The following SEC23B variants were observed in gnomAD, a reference collection of about 807,000 sequenced individuals.
SEC23B encodes SEC23 homolog B, COPII component, also known as protein transport protein Sec23B.
A neutral mutation model predicts 104.3 loss-of-function variants in SEC23B; 77 were observed. The ratio of observed to expected loss-of-function variants is 0.74; its 90% CI spans 0.61 to 0.89. The LOEUF (loss-of-function observed/expected upper bound fraction) is 0.89. Among genes scored for constraint, SEC23B ranks in the 40% least tolerant of loss-of-function variants. The pLI is 0.00. For synonymous variants in SEC23B, 338 were observed against 332.5 expected, an observed-to-expected ratio of 1.02 and a Z score of -0.18; for missense variants, 885 against 949.4, an observed-to-expected ratio of 0.93 and a Z score of 0.89.
intron 7 of SEC23B, 80 bp downstream of exon 7, chr20:18,526,012 T>C: frequency 6.8e-7 from 1 of 1,463,522 alleles, no homozygotes; most frequent in Non-Finnish European, 9.6e-7. Context: ...TGTTTGAAAA[T>C]CACTTGTGAT....
chr20:18,532,782 C>G (rs772447737), intron 11 of SEC23B, 38 bp downstream of exon 11: 1 of 1,443,428 alleles, frequency 6.9e-7, no homozygotes, highest in Non-Finnish European at 9.8e-7. Flanking sequence ...CCTCCTGCCC[C>G]GGATTTAACC....
chr20:18,550,536 C>A (rs533175090), intron 16 of SEC23B, among the ~76,000 whole-genome samples: 7 of 152,334 alleles, frequency 4.6e-5, no homozygotes, highest in African/African-American at 1.7e-4. Flanking sequence ...TCTGTCTCAT[C>A]TACAGAGAAT....
At chr20:18,512,710 T>C (rs918214822) in intron 3 of SEC23B, among the ~76,000 whole-genome samples, 2 of 152,198 alleles carry the variant, frequency 1.3e-5, no homozygotes, top group Non-Finnish European at 2.9e-5. Flanking sequence ...ATTTTAAAAG[T>C]ACCAAACTAG....
At chr20:18,558,553 A>T (rs1423037077) in intron 19 of SEC23B, among the ~76,000 whole-genome samples, 1 of 152,076 alleles carries the variant, frequency 6.6e-6, no homozygotes, top group Non-Finnish European at 1.5e-5. Flanking sequence ...TGAATGTTAG[A>T]TCTTTTGCAG....
Position 18,557,485 on chromosome 20 carries a change from C to G in SEC23B, c.2214+2312C>G, listed in dbSNP as rs1459249369. Among the ~76,000 whole-genome samples, 3 of 152,102 alleles carry G rather than the reference C, an allele frequency of 2.0e-5. No individual in the cohort carries two copies. In the East Asian group the frequency reaches 5.8e-4, roughly 29 times the overall value. ...TATATGCATAACTTATCACAGTCTACTGGTGTTCAAGCGAAGTCTAGAGAC... is the reference window on the plus strand; with the variant it reads ...TATATGCATAACTTATCACAGTCTAGTGGTGTTCAAGCGAAGTCTAGAGAC... On this transcript the variant is annotated intron_variant, in intron 19 of 19. Transcript: ENST00000650089.
chr20:18,551,842 C>T (rs2060389513), intron 17 of SEC23B, among the ~76,000 whole-genome samples: 1 of 152,118 alleles, frequency 6.6e-6, no homozygotes, highest in South Asian at 2.1e-4. Context: ...ATATTTTATA[C>T]ATACTGCTGT....
intron 1 of SEC23B, among the ~76,000 whole-genome samples, chr20:18,508,568 T>G (rs1221731667): frequency 6.6e-6 from 1 of 152,140 alleles, no homozygotes; most frequent in African/African-American, 2.4e-5. Flanking sequence ...TTCAGATGAT[T>G]AGTGGACCTT....
In SEC23B at chr20:18,515,866, G is replaced by T. The variant is rs866441769; in HGVS notation, c.366+130G>T. 5 of 703,656 alleles carry T rather than the reference G, an allele frequency of 7.1e-6. No individual in the cohort carries two copies. In the Middle Eastern group the frequency reaches 1.2e-3, roughly 166 times the overall value. The allele number at this position is 703,656 out of a possible 1,614,324, so 43.6% of individuals were successfully genotyped here. A position where few individuals can be genotyped will look rare whatever the true frequency, so the allele number is the denominator to read the frequency against. ...GAGGGCAGCAGGATCCTAACCTTTA[G>T]GTTTGATGTGTGTGCATCTACTGGC... On this transcript the variant is annotated intron_variant, in intron 4 of 19. Coordinates refer to ENST00000650089, the MANE Select transcript of SEC23B (RefSeq NM_006363.6).
chr20:18,559,681 GT>G (rs1468486915), intron 19 of SEC23B, among the ~76,000 whole-genome samples: 1 of 152,068 alleles, frequency 6.6e-6, no homozygotes, highest in Non-Finnish European at 1.5e-5. Flanking sequence ...TTGTTGTTTT[GT>G]TTTGTTTGAG....
intron 14 of SEC23B, among the ~76,000 whole-genome samples, chr20:18,545,186 C>T (rs1203607016): frequency 6.6e-6 from 1 of 151,938 alleles, no homozygotes; most frequent in East Asian, 1.9e-4. Context: ...TTCATTTGTA[C>T]CCAAAGCAGT....
intron 7 of SEC23B, 142 bp from the exon 8 acceptor site, chr20:18,526,231 A>G (rs2060132768): frequency 2.0e-6 from 2 of 978,080 alleles, no homozygotes; most frequent in Admixed American, 2.0e-5. Context: ...TTTCTGCATT[A>G]TCATCTGTAT....
intron 15 of SEC23B, among the ~76,000 whole-genome samples, chr20:18,548,077 G>A (rs975699814): frequency 6.6e-6 from 1 of 151,978 alleles, no homozygotes; most frequent in African/African-American, 2.4e-5. Flanking sequence ...TCAGCCTCCT[G>A]AGTAGCTGGG....
At chr20:18,521,971 G>A (rs985826004) in intron 4 of SEC23B, among the ~76,000 whole-genome samples, 5 of 152,132 alleles carry the variant, frequency 3.3e-5, no homozygotes, top group African/African-American at 4.8e-5. Context: ...AATCATTGTC[G>A]AGTTTGTACT....
chr20:18,546,163 A>C (rs549434636), intron 15 of SEC23B, 130 bp downstream of exon 15: 1 of 668,794 alleles, frequency 1.5e-6, no homozygotes, highest in African/African-American at 1.8e-5. Context: ...AGATTGTTCA[A>C]CCCAAGTCGA....
intron 14 of SEC23B, among the ~76,000 whole-genome samples, chr20:18,544,189 G>T (rs950696657): frequency 6.6e-6 from 1 of 152,194 alleles, no homozygotes; most frequent in Non-Finnish European, 1.5e-5. Flanking sequence ...TTACCTTCCT[G>T]GAGAGTCACA....
At chr20:18,530,437 G>A (rs2060173456) in intron 9 of SEC23B, among the ~76,000 whole-genome samples, 1 of 152,080 alleles carries the variant, frequency 6.6e-6, no homozygotes. Context: ...GTTTCACGAT[G>A]TTGGCTAGGC....
chr20:18,550,248 A>G (rs1465195845), intron 16 of SEC23B, among the ~76,000 whole-genome samples: 2 of 151,850 alleles, frequency 1.3e-5, no homozygotes, highest in Non-Finnish European at 2.9e-5. Flanking sequence ...TCCGCCTTCC[A>G]GGTTCAGGTG....
At position 18,561,035 on chromosome 20, in the gene SEC23B, G is replaced by T; in HGVS notation, c.*295G>T. 1 of 381,506 alleles carries T rather than the reference G, an allele frequency of 2.6e-6. No homozygotes were observed. Among genetic ancestry groups the T allele is most frequent in the South Asian group, 2.4e-5 (1 of 41,642 alleles). The allele number at this position is 381,506 out of a possible 1,614,324, so 23.6% of individuals were successfully genotyped here. A position where few individuals can be genotyped will look rare whatever the true frequency, so the allele number is the denominator to read the frequency against. On this transcript the variant is annotated 3_prime_UTR_variant, in exon 20 of 20. Transcript: ENST00000650089. ...GTAATGTATTTTGGCAGCTTGTTTA[G>T]GTGAGAATCTTAATGATCATAAAGG...
intron 1 of SEC23B, 198 bp downstream of exon 1, chr20:18,508,170 T>G (rs973608971): frequency 6.6e-6 from 1 of 152,236 alleles, no homozygotes; most frequent in South Asian, 2.1e-4. Flanking sequence ...GATTTCTGGC[T>G]CCAGTTTCCC....
Sources: gnomAD v4.1 joint callset for allele counts (sites outside exome capture counted in the v4.1 genomes callset) on GRCh38, gnomAD v4.1.1 for gene constraint, MANE v1.5 for transcripts, NCBI Gene and HGNC (gene_info 2026-07-23, HGNC 2026-07-21) for gene names.